ABCB1: variants seen among roughly 807,000 people sequenced by gnomAD.
ABCB1 encodes the protein ATP binding cassette subfamily B member 1.
ABCB1 carries 69 observed loss-of-function variants against 142.0 expected under a neutral mutation model. The ratio of observed to expected loss-of-function variants is 0.49; its 90% CI spans 0.40 to 0.59. ABCB1 has a LOEUF of 0.59. Among genes scored for constraint, ABCB1 ranks in the 20% least tolerant of loss-of-function variants. The pLI, the probability that ABCB1 is intolerant of heterozygous loss-of-function variation, is 0.00. For missense variants in ABCB1, 1,326 were observed against 1,554.7 expected (o/e 0.85, Z 2.47); for synonymous variants, 532 against 539.2 (o/e 0.99, Z 0.18).
At chr7:87,703,712 A>G in intron 1 of ABCB1, among the ~76,000 whole-genome samples, 1 of 151,714 alleles carries the variant, frequency 6.6e-6, no homozygotes, top group East Asian at 1.9e-4. Context: ...TCCTATTGTT[A>G]TTACATATTA....
At chr7:87,580,012 A>C (rs1818444023) in intron 4 of ABCB1, among the ~76,000 whole-genome samples, 1 of 152,130 alleles carries the variant, frequency 6.6e-6, no homozygotes, top group African/African-American at 2.4e-5. Flanking sequence ...TGTCTTGAAC[A>C]GTTATTGTAG....
Position 87,550,240 on chromosome 7 carries a change from T to C in ABCB1, c.1281A>G (p.Gly427=), listed in dbSNP as rs983581503. The change falls in exon 12 of 28, where the codon GGA becomes GGG. Residue 427 remains glycine (G), a synonymous_variant. Coordinates refer to ENST00000622132, the MANE Select transcript of ABCB1 (RefSeq NM_001348946.2). ...TTGTGCTCTTCCCACAGCCACTGTT[T>C]CCAACCAGGGCCACCGTCTGCCCAC... ...VQSGQTVALV[G]NSGCGKSTTV... 1.9e-6 allele frequency: 3 copies of C among 1,614,138 alleles called. No homozygotes were observed. Among genetic ancestry groups the C allele is most frequent in the Admixed American group, 3.3e-5 (2 of 60,026 alleles).
chr7:87,683,493 T>C lies in ABCB1; in HGVS notation c.-331+29668A>G, dbSNP rs559171565. Among the ~76,000 whole-genome samples the C allele has an allele frequency of 2.9e-4, 44 of 152,278 alleles. 1 individual carries two copies. In the South Asian group the frequency reaches 9.1e-3, roughly 32 times the overall value. On this transcript the variant is annotated intron_variant, in intron 1 of 28. Transcript: ENST00000265724. ...CACTTAGAGGCCATTATAGGATTAT[T>C]AATTGGCCTAATTTCAGTATTGTTG... is the stretch of plus-strand genomic sequence containing the variant.
chr7:87,611,426 A>G (rs937838857), intron 1 of ABCB1, among the ~76,000 whole-genome samples: 1 of 152,000 alleles, frequency 6.6e-6, no homozygotes, highest in Non-Finnish European at 1.5e-5. Context: ...CTTTATGTCT[A>G]TGAAGACCCA....
chr7:87,535,443 G>A (rs772624987), intron 20 of ABCB1, among the ~76,000 whole-genome samples: 7 of 150,858 alleles, frequency 4.6e-5, no homozygotes, highest in Non-Finnish European at 7.4e-5. Context: ...AGTAATTCTC[G>A]TACCTCAGCC....
At chr7:87,615,580 G>A (rs950997327) in intron 1 of ABCB1, among the ~76,000 whole-genome samples, 5 of 152,328 alleles carry the variant, frequency 3.3e-5, no homozygotes, top group Middle Eastern at 3.4e-3. Context: ...CTGGGAAGCT[G>A]TTTCAATGAT....
chr7:87,638,234 A>G (rs1323750454), intron 1 of ABCB1, among the ~76,000 whole-genome samples: 1 of 152,024 alleles, frequency 6.6e-6, no homozygotes, highest in Admixed American at 6.6e-5. Context: ...GGATTTTTGC[A>G]TATTTATTCA....
chr7:87,612,934 C>T lies in ABCB1; in HGVS notation c.-330-11856G>A, dbSNP rs557460843. 7.6e-4 allele frequency among the ~76,000 whole-genome samples: 114 copies of T among 149,648 alleles called. 1 individual carries two copies. The highest frequency in any genetic ancestry group is 2.7e-3 in the African/African-American group (110 of 40,922). ...CATTTGTTTGTGCCATCTATGATTT[C>T]TTTCTGCAGTGTTTCATAGTTGTTC... On this transcript the variant is annotated intron_variant, in intron 1 of 28. Transcript: ENST00000265724.
chr7:87,614,653 G>A (rs773382133), intron 1 of ABCB1, among the ~76,000 whole-genome samples: 19 of 152,198 alleles, frequency 1.2e-4, no homozygotes, highest in Non-Finnish European at 2.5e-4. Context: ...AAACTGAGAT[G>A]TGTTAATAGA....
At chr7:87,667,023 G>A (rs1285021853) in intron 1 of ABCB1, among the ~76,000 whole-genome samples, 1 of 152,150 alleles carries the variant, frequency 6.6e-6, no homozygotes, top group South Asian at 2.1e-4. Flanking sequence ...CTAGTTCTGT[G>A]AAGAATGTCA....
At chr7:87,669,646 C>G (rs961009691) in intron 1 of ABCB1, among the ~76,000 whole-genome samples, 10 of 152,166 alleles carry the variant, frequency 6.6e-5, no homozygotes, top group Non-Finnish European at 1.0e-4. Flanking sequence ...CTTTCAAAAT[C>G]TCTTGTAAGG....
chr7:87,652,057 G>A (rs1180914959), intron 1 of ABCB1, among the ~76,000 whole-genome samples: 1 of 151,948 alleles, frequency 6.6e-6, no homozygotes, highest in Admixed American at 6.6e-5. Context: ...GTAGTATTTT[G>A]AGATATTATT....
intron 1 of ABCB1, among the ~76,000 whole-genome samples, chr7:87,675,186 G>A (rs538517102): frequency 2.6e-5 from 4 of 152,234 alleles, no homozygotes; most frequent in Admixed American, 6.5e-5. Context: ...CTGGGTTCCC[G>A]GCTTCCTCCC....
Position 87,549,995 on chromosome 7 carries a change from A to C in ABCB1, c.1410T>G (p.Ile470Met). 1.9e-6 allele frequency: 3 copies of C among 1,614,220 alleles called. No individual in the cohort carries two copies. Among genetic ancestry groups the C allele is most frequent in the Non-Finnish European group, 2.5e-6 (3 of 1,180,038 alleles). ...TINVRFLREI[I>M]GVVSQEPVLF... ...ATACAGGTTCCTGACTCACCACACC[A>C]ATGATTTCCCGTAGAAACCTTACAT... The change falls in exon 13 of 28, where the codon ATT becomes ATG. Residue 470 changes from isoleucine to methionine, a missense_variant. Transcript: ENST00000622132.
intron 1 of ABCB1, among the ~76,000 whole-genome samples, chr7:87,666,837 A>C (rs1825300481): frequency 1.3e-5 from 2 of 151,974 alleles, no homozygotes; most frequent in Non-Finnish European, 2.9e-5. Context: ...ATTCTGTTCC[A>C]TTGGTCTATG....
At chr7:87,515,466 A>G (rs760397990) in intron 24 of ABCB1, 38 bp from the exon 25 acceptor site, 1 of 1,581,514 alleles carries the variant, frequency 6.3e-7, no homozygotes, top group South Asian at 1.1e-5. Flanking sequence ...TGAATGCTGC[A>G]ATACTGAAAA....
At chr7:87,658,715 G>A (rs1240854183) in intron 1 of ABCB1, among the ~76,000 whole-genome samples, 2 of 152,084 alleles carry the variant, frequency 1.3e-5, no homozygotes, top group African/African-American at 4.8e-5. Flanking sequence ...AGGAGGAAGT[G>A]GTAAAACATA....
intron 5 of ABCB1, among the ~76,000 whole-genome samples, chr7:87,567,906 A>G (rs1177348373): frequency 6.6e-6 from 1 of 152,182 alleles, no homozygotes; most frequent in African/African-American, 2.4e-5. Context: ...CACCCTGGCC[A>G]ATATGATGAA....
chr7:87,565,957 A>G (rs1817767897), intron 7 of ABCB1, 113 bp downstream of exon 7: 3 of 1,245,062 alleles, frequency 2.4e-6, no homozygotes, highest in African/African-American at 3.0e-5. Flanking sequence ...AGAAAACGTA[A>G]AAGTAACAAG....
Sources: gnomAD v4.1 joint callset for allele counts (sites outside exome capture counted in the v4.1 genomes callset) on GRCh38, gnomAD v4.1.1 for gene constraint, MANE v1.5 for transcripts, NCBI Gene and HGNC (gene_info 2026-07-23, HGNC 2026-07-21) for gene names.